Variants in BTAF1 observed in about 807,000 individuals in gnomAD.
BTAF1 encodes the protein TATA-binding protein-associated factor 172.
A neutral mutation model predicts 227.1 loss-of-function variants in BTAF1; 38 were observed. That is an observed-to-expected ratio of 0.17 (90% confidence interval 0.13 to 0.22). The LOEUF (loss-of-function observed/expected upper bound fraction) is 0.22. Among genes scored for constraint, BTAF1 ranks in the 10% least tolerant of loss-of-function variants. BTAF1 has a pLI of 1.00. For missense variants in BTAF1, 1,598 were observed against 2,204.0 expected (o/e 0.73, Z 5.51); for synonymous variants, 742 against 751.9 (o/e 0.99, Z 0.21).
At chr10:91,958,513 C>G (rs1022550853) in intron 8 of BTAF1, among the ~76,000 whole-genome samples, 2 of 151,850 alleles carry the variant, frequency 1.3e-5, no homozygotes, top group Admixed American at 6.6e-5. Context: ...ACCAGCCTGG[C>G]CAACATGGAG....
chr10:91,999,750 A>T (rs947637734), intron 25 of BTAF1, among the ~76,000 whole-genome samples: 1 of 152,214 alleles, frequency 6.6e-6, no homozygotes, highest in African/African-American at 2.4e-5. Context: ...ATAATCATGG[A>T]TAGTAGATAT....
intron 1 of BTAF1, among the ~76,000 whole-genome samples, chr10:91,933,183 CA>C (rs1191585076): frequency 6.6e-6 from 1 of 152,138 alleles, no homozygotes; most frequent in African/African-American, 2.4e-5. Context: ...TTGTGGAAAC[CA>C]AAAATACCCA....
In BTAF1 at chr10:91,956,620, T is replaced by C. The variant is rs897770228; in HGVS notation, c.794T>C (p.Ile265Thr). 18 of 1,609,882 alleles carry C rather than the reference T, an allele frequency of 1.1e-5. No individual in the cohort carries two copies. The South Asian group carries it at 1.2e-4, about 11-fold the overall frequency. Residue 265 changes from isoleucine to threonine, a missense_variant, in exon 7 of 38, where the codon ATT (isoleucine) becomes ACT (threonine). By Grantham distance (89) the Ile-to-Thr change is moderately conservative. Coordinates refer to ENST00000265990, the MANE Select transcript of BTAF1 (RefSeq NM_003972.3). ...NQSANDSKVLIDNIPDSSSLI... is the reference protein window; with the variant it reads ...NQSANDSKVLTDNIPDSSSLI... ...TCTGCAAATGATTCCAAAGTCTTGA[T>C]TGATAATATTCCAGACAGCTCTTCC...
In BTAF1 at chr10:91,961,908, A is replaced by G. The variant is rs552996176; in HGVS notation, c.1264-630A>G. Reference sequence around the variant, plus strand: ...GTCGGTGGCATTGAATGAGATATGGAGGCTAGGATTCTGGCAGAGGGGTTT... The same window carrying G: ...GTCGGTGGCATTGAATGAGATATGGGGGCTAGGATTCTGGCAGAGGGGTTT... On this transcript the variant is annotated intron_variant, in intron 11 of 37. Transcript: ENST00000265990. Among the ~76,000 whole-genome samples, 5 of 152,150 alleles carry G rather than the reference A, an allele frequency of 3.3e-5. No homozygotes were observed. The South Asian group carries it at 1.0e-3, about 32-fold the overall frequency.
chr10:92,026,533 A>G, intron 35 of BTAF1, 59 bp from the exon 36 acceptor site: 1 of 1,347,330 alleles, frequency 7.4e-7, no homozygotes, highest in Non-Finnish European at 1.0e-6. Flanking sequence ...ATTTTTATTA[A>G]CAGTTTCTGT....
intron 1 of BTAF1, among the ~76,000 whole-genome samples, chr10:91,926,013 G>A (rs576753180): frequency 1.3e-5 from 2 of 152,102 alleles, no homozygotes; most frequent in African/African-American, 2.4e-5. Context: ...CTTGGGCTCA[G>A]TAGTAAGCCC....
intron 33 of BTAF1, among the ~76,000 whole-genome samples, 182 bp from the exon 34 acceptor site, chr10:92,018,601 C>T (rs1850898981): frequency 6.6e-6 from 1 of 152,100 alleles, no homozygotes. Flanking sequence ...ATAGAAACTG[C>T]ACAAGAATCT....
At position 92,030,908 on chromosome 10, in the gene BTAF1, C is replaced by G. The variant is rs1180490555; in HGVS notation, c.*1975C>G. Among the ~76,000 whole-genome samples the G allele has an allele frequency of 2.6e-5, 4 of 151,858 alleles. No individual in the cohort carries two copies. Among genetic ancestry groups the G allele is most frequent in the African/African-American group, 7.3e-5 (3 of 41,340 alleles). On this transcript the variant is annotated 3_prime_UTR_variant, in exon 38 of 38. Transcript: ENST00000265990. ...AACTAAGTATTCTTAATTAAATGAC[C>G]CAGTCATTGTAGTACATCTTAAGAA... is the stretch of plus-strand genomic sequence containing the variant.
chr10:91,956,489 G>C, intron 6 of BTAF1, 39 bp from the exon 7 acceptor site: 1 of 1,566,130 alleles, frequency 6.4e-7, no homozygotes, highest in Non-Finnish European at 8.6e-7. Flanking sequence ...TTCACATTAC[G>C]CTTTATTCAT....
At chr10:91,940,695 A>AT (rs1213340609) in intron 3 of BTAF1, among the ~76,000 whole-genome samples, 1 of 151,036 alleles carries the variant, frequency 6.6e-6, no homozygotes, top group African/African-American at 2.4e-5. Context: ...ATTTTATTTT[A>AT]TTTTTTCGAG....
In BTAF1 at chr10:91,965,756, A is replaced by G. The variant is rs79345252; in HGVS notation, c.1530-881A>G. ...TGTGTTTTGTGTCTTTTTTATGTCT[A>G]TGTGTACCTGTGTTTAAGTTAGAAT... On this transcript the variant is annotated intron_variant, in intron 13 of 37. Transcript: ENST00000265990. Among the ~76,000 whole-genome samples, 871 of 152,234 alleles carry G rather than the reference A, an allele frequency of 5.7e-3. 6 individuals carry two copies. Among genetic ancestry groups the G allele is most frequent in the African/African-American group, 0.019 (777 of 41,560 alleles).
At chr10:92,021,708 A>AT (rs946071393) in intron 34 of BTAF1, among the ~76,000 whole-genome samples, 10 of 150,698 alleles carry the variant, frequency 6.6e-5, no homozygotes, top group East Asian at 5.9e-4. Context: ...CGCCCGGCTA[A>AT]TTTTTTTTTG....
chr10:92,018,971 A>G (rs765742622), intron 34 of BTAF1, 36 bp downstream of exon 34: 1 of 1,415,116 alleles, frequency 7.1e-7, no homozygotes. Context: ...TGTGTGTTGT[A>G]CCCCAGGAAT....
At chr10:91,953,257 G>T (rs1157086342) in intron 5 of BTAF1, among the ~76,000 whole-genome samples, 1 of 152,194 alleles carries the variant, frequency 6.6e-6, no homozygotes, top group Admixed American at 6.5e-5. Flanking sequence ...AGCAAAAAGA[G>T]TAGACAGTAA....
At chr10:91,984,514 T>A in intron 19 of BTAF1, 110 bp downstream of exon 19, 1 of 911,474 alleles carries the variant, frequency 1.1e-6, no homozygotes, top group Non-Finnish European at 1.6e-6. Context: ...AGTCTGTATG[T>A]GGCTTGGTAG....
At chr10:91,950,157 GC>G (rs772231024) in intron 4 of BTAF1, among the ~76,000 whole-genome samples, 78,551 of 115,532 alleles carry the variant, frequency 0.68, 28,836 homozygotes, top group South Asian at 0.89. Context: ...GTGGGGGGGG[GC>G]GGGAAAGAAG....
chr10:91,951,405 G>A lies in BTAF1; in HGVS notation c.403G>A (p.Glu135Lys), dbSNP rs1564667125. 1 of 1,607,730 alleles carries A rather than the reference G, an allele frequency of 6.2e-7. No individual in the cohort carries two copies. Among genetic ancestry groups the A allele is most frequent in the Non-Finnish European group, 8.5e-7 (1 of 1,178,330 alleles). The change falls in exon 5 of 38, where the codon GAA becomes AAA. Residue 135 changes from glutamate (E) to lysine (K), a missense_variant and splice_region_variant. Coordinates refer to ENST00000265990, the MANE Select transcript of BTAF1 (RefSeq NM_003972.3). ...EFEVQDEKSGEVDPKERIARQ... is the reference protein window; with the variant it reads ...EFEVQDEKSGKVDPKERIARQ... The stretch of plus-strand genomic sequence containing the variant: ...ACGTATTTCTTTTCTGTTGAAAGGT[G>A]AAGTGGATCCTAAAGAGAGGATAGC...
intron 4 of BTAF1, among the ~76,000 whole-genome samples, chr10:91,944,638 G>A (rs1248355442): frequency 6.6e-6 from 1 of 152,198 alleles, no homozygotes; most frequent in African/African-American, 2.4e-5. Context: ...ACAGGTATGT[G>A]TAACTATCAC....
intron 14 of BTAF1, among the ~76,000 whole-genome samples, chr10:91,978,386 T>C (rs891830492): frequency 3.3e-5 from 5 of 152,082 alleles, no homozygotes; most frequent in Non-Finnish European, 5.9e-5. Context: ...TTGGTAAATA[T>C]TTTGGGGGGA....
Sources: gnomAD v4.1 joint callset for allele counts (sites outside exome capture counted in the v4.1 genomes callset) on GRCh38, gnomAD v4.1.1 for gene constraint, MANE v1.5 for transcripts, NCBI Gene and HGNC (gene_info 2026-07-23, HGNC 2026-07-21) for gene names.